Variants in NUP62 observed in about 807,000 individuals in gnomAD.
NUP62 encodes nucleoporin 62, also known as nuclear pore glycoprotein p62.
For synonymous variants in NUP62, 305 were observed against 303.4 expected, an observed-to-expected ratio of 1.01 and a Z score of -0.05; for missense variants, 647 against 689.4, an observed-to-expected ratio of 0.94 and a Z score of 0.69.
At position 49,921,716 on chromosome 19, in the gene NUP62, G is replaced by A. The variant is rs1019731341; in HGVS notation, c.-78+5978C>T. ...GGCACCTAGGGAGCCTAGGGGTCCC[G>A]TGAGGCCCTCCCACCATGGTTCCCC... is the stretch of plus-strand genomic sequence containing the variant. On this transcript the variant is annotated intron_variant, in intron 2 of 2. Transcript: ENST00000352066. The surrounding 1 kb of genome is among the most constrained non-coding windows in gnomAD (Gnocchi z 5.4). Among the ~76,000 whole-genome samples, 1 of 152,112 alleles carries A rather than the reference G, an allele frequency of 6.6e-6. No individual in the cohort carries two copies. The highest frequency in any genetic ancestry group is 1.5e-5 in the Non-Finnish European group (1 of 67,994).
At position 49,909,009 on chromosome 19, in the gene NUP62, T is replaced by A. The variant is rs764794966; in HGVS notation, c.799A>T (p.Thr267Ser). ...GCAGCGGTGGATGTTGTTGTGGAGG[T>A]GCCGGAAGCTGCTCCAGGTGCCTTT... ...SLKAPGAASG[T>S]STTTSTAATA... is the part of the protein sequence containing the mutation. Residue 267 changes from threonine (T) to serine (S), a missense_variant, in exon 3 of 3, where the codon ACC (threonine) becomes TCC (serine). Transcript: ENST00000352066. 3.8e-5 allele frequency: 62 copies of A among 1,611,468 alleles called. No individual in the cohort carries two copies. The highest frequency in any genetic ancestry group is 5.1e-5 in the Non-Finnish European group (60 of 1,179,128).
intron 2 of NUP62, among the ~76,000 whole-genome samples, chr19:49,916,111 A>G (rs912538581): frequency 6.6e-6 from 1 of 152,238 alleles, no homozygotes; most frequent in East Asian, 1.9e-4. Context: ...AAACAAGTGC[A>G]GACTCCCCAA....
chr19:49,919,675 C>A (rs1464567619), intron 2 of NUP62, among the ~76,000 whole-genome samples: 1 of 152,188 alleles, frequency 6.6e-6, no homozygotes, highest in Middle Eastern at 3.2e-3. Flanking sequence ...ACCAAAGGAG[C>A]TCTGGTCGCA....
In NUP62 at chr19:49,907,375, AC is replaced by A. The variant is rs2075344837; in HGVS notation, c.*863del. ...CGGCGCCCATCTGTGGTTCCTCAAC[AC>A]CCTGTGTGTGCAGGCCCCTCAGCTG... On this transcript the variant is annotated 3_prime_UTR_variant, in exon 3 of 3. Transcript: ENST00000352066. 2.9e-6 allele frequency: 1 copy of A among 339,572 alleles called. No homozygotes were observed. The highest frequency in any genetic ancestry group is 2.3e-5 in the African/African-American group (1 of 43,778). The allele number at this position is 339,572 out of a possible 1,614,324, so 21.0% of individuals were successfully genotyped here. A position where few individuals can be genotyped will look rare whatever the true frequency, so the allele number is the denominator to read the frequency against.
rs1324752206 is a variant in NUP62 at position 49,909,192 on chromosome 19, C to A, written c.616G>T (p.Ala206Ser). ...AATTAGATQP[A>S]APTPTATITS... ...ATGGTGGCTGTGGGTGTGGGAGCAG[C>A]TGGCTGTGTGGCACCTGCTGTGGTG... The change falls in exon 3 of 3, where the codon GCT (alanine) becomes TCT (serine). Residue 206 changes from alanine to serine, a missense_variant. Physicochemically the swap from Ala to Ser is moderately conservative, Grantham distance 99. Transcript: ENST00000352066. 6.2e-7 allele frequency: 1 copy of A among 1,613,696 alleles called. No individual in the cohort carries two copies. Among genetic ancestry groups the A allele is most frequent in the Non-Finnish European group, 8.5e-7 (1 of 1,179,846 alleles).
chr19:49,927,603 G>A (rs1356074325), intron 2 of NUP62, 91 bp downstream of exon 2: 2 of 152,204 alleles, frequency 1.3e-5, no homozygotes, highest in African/African-American at 2.4e-5. Flanking sequence ...TGGCAGAGTG[G>A]ACAGTAAGTG....
At chr19:49,910,836 G>T (rs182989779) in intron 2 of NUP62, among the ~76,000 whole-genome samples, 1 of 152,214 alleles carries the variant, frequency 6.6e-6, no homozygotes, top group East Asian at 1.9e-4. Flanking sequence ...TCCCAGTGGT[G>T]CCATCTATCA....
chr19:49,908,372 T>A lies in NUP62; in HGVS notation c.1436A>T (p.Asn479Ile). Residue 479 changes from asparagine to isoleucine, a missense_variant, in exon 3 of 3, where the codon AAT becomes ATT. By Grantham distance (149) the Asn-to-Ile change is moderately radical. Transcript: ENST00000352066. ...CCACTGCAGTGAGTCCATGTGCGCATTGAGGATCTTGCAGATCTGCTGCAG... is the reference window on the plus strand; with the variant it reads ...CCACTGCAGTGAGTCCATGTGCGCAATGAGGATCTTGCAGATCTGCTGCAG... ...DPLQQICKIL[N>I]AHMDSLQWID... is the part of the protein sequence containing the mutation. 1 of 1,614,198 alleles carries A rather than the reference T, an allele frequency of 6.2e-7. No homozygotes were observed. The highest frequency in any genetic ancestry group is 2.2e-5 in the East Asian group (1 of 44,890).
At chr19:49,915,954 G>A (rs1225175962) in intron 2 of NUP62, among the ~76,000 whole-genome samples, 5 of 152,244 alleles carry the variant, frequency 3.3e-5, no homozygotes, top group Non-Finnish European at 5.9e-5. Flanking sequence ...CCAGATTTCC[G>A]TTTGTTCCCT....
intron 2 of NUP62, among the ~76,000 whole-genome samples, chr19:49,919,236 G>T (rs2075705569): frequency 6.6e-6 from 1 of 152,130 alleles, no homozygotes; most frequent in Non-Finnish European, 1.5e-5. Flanking sequence ...GAATAGTGTG[G>T]CCTGTCTTCC....
At position 49,908,420 on chromosome 19, in the gene NUP62, G is replaced by A. The variant is rs2075371669; in HGVS notation, c.1388C>T (p.Ala463Val). 9.9e-6 allele frequency: 16 copies of A among 1,614,162 alleles called. No homozygotes were observed. The highest frequency in any genetic ancestry group is 1.4e-5 in the Non-Finnish European group (16 of 1,180,050). Reference protein sequence around the residue: ...DIIEHLNTSGAPADTSDPLQQ... With the variant: ...DIIEHLNTSGVPADTSDPLQQ... ...CAGTGGGTCACTGGTGTCGGCGGGG[G>A]CCCCGGACGTGTTCAGGTGCTCGAT... Residue 463 changes from alanine (A) to valine (V), a missense_variant, in exon 3 of 3, where the codon GCC becomes GTC. Coordinates refer to ENST00000352066, the MANE Select transcript of NUP62 (RefSeq NM_016553.5).
rs780089730 is a variant in NUP62, at chr19:49,909,181, T to A, written c.627A>T (p.Thr209=). Reference sequence around the variant, plus strand: ...CAGTGCTGGTGATGGTGGCTGTGGGTGTGGGAGCAGCTGGCTGTGTGGCAC... The same window carrying A: ...CAGTGCTGGTGATGGTGGCTGTGGGAGTGGGAGCAGCTGGCTGTGTGGCAC... The part of the protein sequence containing the change: ...TAGATQPAAP[T]PTATITSTGP... Residue 209 remains threonine (T), a synonymous_variant, in exon 3 of 3, where the codon ACA becomes ACT. Coordinates refer to ENST00000352066, the MANE Select transcript of NUP62 (RefSeq NM_016553.5). 5 of 1,613,390 alleles carry A rather than the reference T, an allele frequency of 3.1e-6. No homozygotes were observed. Among genetic ancestry groups the A allele is most frequent in the Non-Finnish European group, 4.2e-6 (5 of 1,179,772 alleles).
At chr19:49,920,344 G>A (rs1183229799) in intron 2 of NUP62, among the ~76,000 whole-genome samples, 1 of 152,152 alleles carries the variant, frequency 6.6e-6, no homozygotes, top group African/African-American at 2.4e-5. Context: ...GTCTCCCAAG[G>A]TGCTGGGATT....
In NUP62 at chr19:49,909,876, G is replaced by C; in HGVS notation, c.-69C>G. ...AAATCCGTCGGTGTCTGCAGCCTTG[G>C]GAAGATTTCTAAAGCAGAGGAAGTG... On this transcript the variant is annotated 5_prime_UTR_variant, in exon 3 of 3. Coordinates refer to ENST00000352066, the MANE Select transcript of NUP62 (RefSeq NM_016553.5). 1 of 1,534,182 alleles carries C rather than the reference G, an allele frequency of 6.5e-7. No homozygotes were observed. Among genetic ancestry groups the C allele is most frequent in the South Asian group, 1.1e-5 (1 of 88,306 alleles).
chr19:49,914,438 C>T (rs1408207622), intron 2 of NUP62, among the ~76,000 whole-genome samples: 42 of 152,176 alleles, frequency 2.8e-4, no homozygotes, highest in Admixed American at 2.6e-3. Context: ...TCCAGAGAAG[C>T]GCTGCCTTGA....
At chr19:49,914,941 T>A (rs11083989) in intron 2 of NUP62, among the ~76,000 whole-genome samples, 18,491 of 151,572 alleles carry the variant, frequency 0.12, 1,417 homozygotes, top group East Asian at 0.38. Flanking sequence ...GGTTTCACCA[T>A]GTTAGCCGGG....
At chr19:49,927,366 T>A (rs748282914) in intron 2 of NUP62, among the ~76,000 whole-genome samples, 1 of 152,062 alleles carries the variant, frequency 6.6e-6, no homozygotes, top group Non-Finnish European at 1.5e-5. Flanking sequence ...ACACATAACA[T>A]ACACTATTGA....
Position 49,909,285 on chromosome 19 carries a change from A to T in NUP62, c.523T>A (p.Ser175Thr). Residue 175 changes from serine (S) to threonine (T), a missense_variant, in exon 3 of 3, where the codon TCA becomes ACA. Coordinates refer to ENST00000352066, the MANE Select transcript of NUP62 (RefSeq NM_016553.5). ...TAQPSGFNIG[S>T]AGNSAQPTAP... ...GTGGGCTGGGCTGAATTCCCTGCTG[A>T]GCCAATGTTGAAACCGGAGGGTTGG... The T allele has an allele frequency of 6.2e-7, 1 of 1,613,952 alleles. No homozygotes were observed. Among genetic ancestry groups the T allele is most frequent in the South Asian group, 1.1e-5 (1 of 91,066 alleles).
intron 1 of NUP62, 101 bp from the exon 2 acceptor site, chr19:49,927,916 G>C (rs1326074667): frequency 6.6e-6 from 1 of 152,266 alleles, no homozygotes; most frequent in African/African-American, 2.4e-5. Context: ...CGAAAACGGA[G>C]ATCTTCCATT....
Sources: gnomAD v4.1 joint callset for allele counts (sites outside exome capture counted in the v4.1 genomes callset) on GRCh38, gnomAD v4.1.1 for gene constraint, Gnocchi (gnomAD v3.1) non-coding constraint, MANE v1.5 for transcripts, NCBI Gene and HGNC (gene_info 2026-07-23, HGNC 2026-07-21) for gene names.